Variants in GMDS observed in about 807,000 individuals in gnomAD.
The protein encoded by GMDS is GDP-mannose 4,6-dehydratase.
Under a neutral mutation model 49.9 loss-of-function variants are expected in GMDS, and 20 were observed. The observed-to-expected ratio is 0.40, with a 90% CI of 0.28 to 0.58. GMDS has a LOEUF of 0.58. Ranked by LOEUF, GMDS falls within the 20% of genes least tolerant of loss-of-function variation. GMDS has a pLI of 0.42. For missense variants in GMDS, 362 were observed against 481.4 expected (o/e 0.75, Z 2.32); for synonymous variants, 177 against 178.6 (o/e 0.99, Z 0.07).
At chr6:1,853,435 G>A (rs187113975) in intron 7 of GMDS, among the ~76,000 whole-genome samples, 20 of 143,094 alleles carry the variant, frequency 1.4e-4, no homozygotes, top group African/African-American at 3.8e-4. Context: ...GGAGAATGGC[G>A]TGAACCCGGG....
At chr6:2,244,629 T>A (rs1781774902) in intron 1 of GMDS, among the ~76,000 whole-genome samples, 1 of 152,196 alleles carries the variant, frequency 6.6e-6, no homozygotes, top group Admixed American at 6.5e-5. Flanking sequence ...CTTGATTACC[T>A]TACTCGACGA....
rs1335974016 is a variant in GMDS, at chr6:1,893,924, C to T, written c.771+36179G>A. Among the ~76,000 whole-genome samples the T allele has an allele frequency of 2.0e-5, 3 of 152,276 alleles. No homozygotes were observed. The South Asian group carries it at 6.2e-4, about 32-fold the overall frequency. ...TTTGCCCAGCCCCGCTGGCAGGAGG[C>T]GCTCCTGAGTTAGATAAGAAAGAGC... is the stretch of plus-strand genomic sequence containing the variant. On this transcript the variant is annotated intron_variant, in intron 7 of 10. Coordinates refer to ENST00000380815, the MANE Select transcript of GMDS (RefSeq NM_001500.4).
chr6:1,764,009 C>T (rs564083929), intron 7 of GMDS, among the ~76,000 whole-genome samples: 1 of 152,142 alleles, frequency 6.6e-6, no homozygotes, highest in African/African-American at 2.4e-5. Context: ...AAAGACAGAG[C>T]GGGCATTGTA....
At chr6:2,115,583 T>TAACAG (rs1774800306) in intron 4 of GMDS, among the ~76,000 whole-genome samples, 188 bp downstream of exon 4, 1 of 152,200 alleles carries the variant, frequency 6.6e-6, no homozygotes, top group Non-Finnish European at 1.5e-5. Flanking sequence ...TATTGTTTAA[T>TAACAG]AACAGACAAG....
chr6:2,195,223 C>T (rs1001263815), intron 1 of GMDS, among the ~76,000 whole-genome samples: 1 of 151,852 alleles, frequency 6.6e-6, no homozygotes, highest in Non-Finnish European at 1.5e-5. Context: ...TCTGTAGAAG[C>T]GATAGTACTT....
intron 7 of GMDS, among the ~76,000 whole-genome samples, chr6:1,771,427 A>C (rs1160218501): frequency 1.3e-5 from 2 of 152,200 alleles, no homozygotes; most frequent in Non-Finnish European, 2.9e-5. Context: ...AATTATGATA[A>C]CAATGCCTCC....
chr6:1,773,449 C>T (rs1191583186), intron 7 of GMDS, among the ~76,000 whole-genome samples: 1 of 152,060 alleles, frequency 6.6e-6, no homozygotes, highest in African/African-American at 2.4e-5. Context: ...TAAATCGTTT[C>T]ACAAAGTGGT....
chr6:2,016,301 A>G (rs12206139), intron 4 of GMDS, among the ~76,000 whole-genome samples: 102,926 of 150,544 alleles, frequency 0.68, 35,391 homozygotes, highest in Middle Eastern at 0.72. Flanking sequence ...AAAAACAGAC[A>G]ATTGTCCAGA....
At chr6:1,948,491 A>C (rs1763191132) in intron 6 of GMDS, among the ~76,000 whole-genome samples, 1 of 152,138 alleles carries the variant, frequency 6.6e-6, no homozygotes, top group Non-Finnish European at 1.5e-5. Context: ...TATCACTTAA[A>C]AAAATACTTG....
At chr6:2,227,656 G>T (rs1780878166) in intron 1 of GMDS, among the ~76,000 whole-genome samples, 1 of 152,192 alleles carries the variant, frequency 6.6e-6, no homozygotes, top group African/African-American at 2.4e-5. Flanking sequence ...TGCCAATTGT[G>T]GCTGGAACTA....
intron 2 of GMDS, among the ~76,000 whole-genome samples, chr6:2,118,199 G>A (rs1774954110): frequency 1.3e-5 from 2 of 151,968 alleles, no homozygotes. Flanking sequence ...GGTGGGGGGT[G>A]GGGGGACAGT....
intron 9 of GMDS, among the ~76,000 whole-genome samples, chr6:1,713,450 G>A (rs1026486477): frequency 6.6e-6 from 1 of 152,208 alleles, no homozygotes; most frequent in African/African-American, 2.4e-5. Context: ...TCTCCGCCCC[G>A]TGGCTCCCTC....
At chr6:1,987,408 T>C (rs1460722227) in intron 4 of GMDS, among the ~76,000 whole-genome samples, 4 of 152,234 alleles carry the variant, frequency 2.6e-5, no homozygotes, top group Non-Finnish European at 5.9e-5. Flanking sequence ...TTTTCAGTTT[T>C]TGCTTAAGAC....
At chr6:1,853,476 C>T (rs1392753478) in intron 7 of GMDS, among the ~76,000 whole-genome samples, 1 of 146,264 alleles carries the variant, frequency 6.8e-6, no homozygotes, top group Admixed American at 6.9e-5. Context: ...TGAGATCGCG[C>T]CACTGCACTC....
intron 4 of GMDS, among the ~76,000 whole-genome samples, chr6:2,107,241 A>G (rs1774294283): frequency 6.6e-6 from 1 of 152,234 alleles, no homozygotes; most frequent in Non-Finnish European, 1.5e-5. Flanking sequence ...GAGAACTTTC[A>G]TAGAGTGTTC....
chr6:1,911,512 C>T (rs546763247), intron 7 of GMDS, among the ~76,000 whole-genome samples: 103 of 150,786 alleles, frequency 6.8e-4, no homozygotes, highest in Non-Finnish European at 1.2e-3. Context: ...AAAAAACAGA[C>T]GTTTATATTT....
intron 9 of GMDS, among the ~76,000 whole-genome samples, chr6:1,645,503 C>T (rs1763459461): frequency 6.6e-6 from 1 of 152,224 alleles, no homozygotes; most frequent in Admixed American, 6.5e-5. Flanking sequence ...CCCTGTCCTC[C>T]TGGAGGTCCG....
intron 7 of GMDS, among the ~76,000 whole-genome samples, chr6:1,845,687 T>C (rs1757370241): frequency 1.3e-5 from 2 of 152,186 alleles, no homozygotes; most frequent in Non-Finnish European, 2.9e-5. Flanking sequence ...GATGAAACTG[T>C]TCCACCTCAG....
chr6:1,646,067 C>A (rs924101527), intron 9 of GMDS, among the ~76,000 whole-genome samples: 1 of 152,214 alleles, frequency 6.6e-6, no homozygotes, highest in Non-Finnish European at 1.5e-5. Context: ...GTATCTCCCC[C>A]CAACTAAATG....
Sources: gnomAD v4.1 joint callset for allele counts (sites outside exome capture counted in the v4.1 genomes callset) on GRCh38, gnomAD v4.1.1 for gene constraint, MANE v1.5 for transcripts, NCBI Gene and HGNC (gene_info 2026-07-23, HGNC 2026-07-21) for gene names.